The following ALG12 variants were observed in gnomAD, a reference collection of about 807,000 sequenced individuals.
ALG12 encodes the protein ALG12 alpha-1,6-mannosyltransferase, also known as dol-P-Man:Man(7)GlcNAc(2)-PP-Dol alpha-1,6-mannosyltransferase.
Under a neutral mutation model 46.0 loss-of-function variants are expected in ALG12, and 36 were observed. The ratio of observed to expected loss-of-function variants is 0.78; its 90% confidence interval spans 0.60 to 1.03. The LOEUF (loss-of-function observed/expected upper bound fraction) is 1.03. Among genes scored for constraint, ALG12 ranks in the 50% least tolerant of loss-of-function variants. ALG12 has a pLI of 0.00. For synonymous variants in ALG12, 326 were observed against 291.6 expected (o/e 1.12, Z -1.20); for missense variants, 599 against 633.5 (o/e 0.95, Z 0.58).
chr22:49,914,202 C>T (rs975702642), intron 1 of ALG12, among the ~76,000 whole-genome samples: 2 of 152,170 alleles, frequency 1.3e-5, no homozygotes, highest in Non-Finnish European at 2.9e-5. Flanking sequence ...GGCTTGGCCC[C>T]GAGGGAACCG....
chr22:49,910,639 G>A (rs746762677), intron 3 of ALG12, 32 bp from the exon 4 acceptor site: 22 of 1,613,678 alleles, frequency 1.4e-5, no homozygotes, highest in East Asian at 1.3e-4. Context: ...ACCTGAGCCT[G>A]CAGTGGAGGA....
At chr22:49,885,042 G>A in the ALG12 span, 3 of 1,612,400 alleles carry the variant, frequency 1.9e-6, no homozygotes, top group Non-Finnish European at 2.5e-6. Context: ...TGAAGTCGGA[G>A]GTCTGGCATC....
the ALG12 span, among the ~76,000 whole-genome samples, chr22:49,861,674 C>T: frequency 1.3e-5 from 2 of 152,096 alleles, no homozygotes; most frequent in East Asian, 1.9e-4. Flanking sequence ...TGGGCTCAAA[C>T]GATTTACCTG....
chr22:49,865,807 A>G, the ALG12 span, among the ~76,000 whole-genome samples: 1 of 151,388 alleles, frequency 6.6e-6, no homozygotes, highest in Non-Finnish European at 1.5e-5. Context: ...GTTTTTCTGC[A>G]TTCATTGTGC....
Position 49,913,649 on chromosome 22 carries a change from C to T in ALG12, c.117G>A (p.Leu39=), listed in dbSNP as rs371814322. The T allele has an allele frequency of 3.1e-6, 5 of 1,614,030 alleles. No individual in the cohort carries two copies. Among genetic ancestry groups the T allele is most frequent in the South Asian group, 1.1e-5 (1 of 91,088 alleles). Residue 39 remains leucine (L), a synonymous_variant, in exon 2 of 10, where the codon CTG becomes CTA. Coordinates refer to ENST00000330817, the MANE Select transcript of ALG12 (RefSeq NM_024105.4). ...GGTAGAGCAGGTCATGTGTGGCCTG[C>T]AGGTTGAAGCTCTCCTCCACTTTGG... ...PYTKVEESFN[L]QATHDLLYHW... is the part of the protein sequence containing the mutation.
chr22:49,867,245 T>C, the ALG12 span, among the ~76,000 whole-genome samples: 16 of 152,230 alleles, frequency 1.1e-4, no homozygotes, highest in African/African-American at 3.1e-4. Context: ...TTAACTCCAT[T>C]GTGTTTAGAG....
chr22:49,904,084 G>C lies in ALG12; in HGVS notation c.1239-18C>G, dbSNP rs200437070. 1 of 1,614,078 alleles carries C rather than the reference G, an allele frequency of 6.2e-7. No homozygotes were observed. Among genetic ancestry groups the C allele is most frequent in the African/African-American group, 1.3e-5 (1 of 75,062 alleles). ...TGTCGTACCTGTGGGATGAGAGCTG[G>C]TGGTCCTGCCCAGGGCCCCCACATC... On this transcript the variant is annotated intron_variant, in intron 9 of 9. Transcript: ENST00000330817.
chr22:49,870,365 T>C, the ALG12 span, among the ~76,000 whole-genome samples: 1 of 152,238 alleles, frequency 6.6e-6, no homozygotes, highest in Non-Finnish European at 1.5e-5. Context: ...CTGGGTCCAA[T>C]GGTAGCTCTG....
chr22:49,867,940 T>C, the ALG12 span, among the ~76,000 whole-genome samples: 1 of 152,222 alleles, frequency 6.6e-6, no homozygotes, highest in African/African-American at 2.4e-5. Context: ...TGTCATAAAG[T>C]GTTGAATATC....
the ALG12 span, chr22:49,885,345 G>A: frequency 4.2e-5 from 67 of 1,588,818 alleles, no homozygotes; most frequent in Middle Eastern, 1.7e-4. Flanking sequence ...AAAAGACCTC[G>A]AAGCTGTGGA....
At chr22:49,865,632 A>G in the ALG12 span, among the ~76,000 whole-genome samples, 1 of 152,118 alleles carries the variant, frequency 6.6e-6, no homozygotes, top group Non-Finnish European at 1.5e-5. Context: ...CAGAGATCAC[A>G]CCACTGCACT....
Position 49,903,926 on chromosome 22 carries a change from A to C in ALG12, c.1379T>G (p.Val460Gly). The change falls in exon 10 of 10, where the codon GTG (valine) becomes GGG (glycine). Residue 460 changes from valine (V) to glycine (G), a missense_variant. Transcript: ENST00000330817. ...VLASVVGTTG[V>G]SLNLTQLPPF... ...GGGCAGTTGGGTCAGGTTCAGACTC[A>C]CACCTGTGGTCCCCACGACGCTGGC... 1 of 1,614,184 alleles carries C rather than the reference A, an allele frequency of 6.2e-7. No individual in the cohort carries two copies. Among genetic ancestry groups the C allele is most frequent in the Non-Finnish European group, 8.5e-7 (1 of 1,180,014 alleles).
the ALG12 span, chr22:49,887,232 C>T: frequency 5.8e-6 from 9 of 1,548,848 alleles, no homozygotes; most frequent in South Asian, 3.7e-5. Flanking sequence ...CGTTAGCAGC[C>T]TGTACCAGGT....
At chr22:49,910,182 T>C (rs2060567991) in intron 4 of ALG12, 94 bp from the exon 5 acceptor site, 1 of 1,394,762 alleles carries the variant, frequency 7.2e-7, no homozygotes, top group South Asian at 1.3e-5. Flanking sequence ...CTTTTCCTAT[T>C]ATAAAAGCCA....
At chr22:49,893,669 G>A in the ALG12 span, among the ~76,000 whole-genome samples, 1 of 152,212 alleles carries the variant, frequency 6.6e-6, no homozygotes, top group African/African-American at 2.4e-5. Flanking sequence ...AATTCTCCAG[G>A]TGGACACTTG....
At chr22:49,897,220 TCACCTA>T (rs143031421), downstream of ALG12, among the ~76,000 whole-genome samples, 16,647 of 152,148 alleles carry the variant, frequency 0.11, 1,205 homozygotes, top group African/African-American at 0.2. Context: ...GTTTATCCAT[TCACCTA>T]CTGAAGGGCA....
chr22:49,864,953 G>GCCA, the ALG12 span, among the ~76,000 whole-genome samples: 2,698 of 9,050 alleles, frequency 0.3, 306 homozygotes, highest in African/African-American at 0.48. Context: ...CCCCCCCCCC[G>GCCA]TGAAGTCAGA....
At chr22:49,877,934 A>G in the ALG12 span, among the ~76,000 whole-genome samples, 200 of 152,258 alleles carry the variant, frequency 1.3e-3, 1 homozygote, top group African/African-American at 4.7e-3. Context: ...ATAATGATCC[A>G]TTGTAGGGCT....
chr22:49,883,687 C>T, the ALG12 span: 2 of 1,591,344 alleles, frequency 1.3e-6, no homozygotes. Flanking sequence ...GAAAACTTGT[C>T]CCAAAGAGGA....
Sources: allele counts gnomAD v4.1 joint callset (sites outside exome capture counted in the v4.1 genomes callset), GRCh38; gene constraint gnomAD v4.1.1; transcripts MANE v1.5; gene names NCBI Gene and HGNC (gene_info 2026-07-23, HGNC 2026-07-21).